Variants in PPFIA2 observed in about 807,000 individuals in gnomAD.
PPFIA2 encodes PPFI scaffold protein A2.
A neutral mutation model predicts 175.5 loss-of-function variants in PPFIA2; 46 were observed. That is an observed-to-expected ratio of 0.26 (90% confidence interval 0.21 to 0.34). PPFIA2 has a LOEUF of 0.34. PPFIA2 is among the 10% of genes least tolerant of loss of function. The probability of loss-of-function intolerance (pLI) is 1.00; values close to 1 mark genes in which losing one functional copy is unlikely to be tolerated. For missense variants in PPFIA2, 1,179 were observed against 1,506.1 expected, an observed-to-expected ratio of 0.78 and a Z score of 3.60; for synonymous variants, 568 against 511.4, an observed-to-expected ratio of 1.11 and a Z score of -1.49.
At chr12:81,260,775 T>C (rs1464114477) in intron 32 of PPFIA2, 2 of 152,222 alleles carry the variant, frequency 1.3e-5, no homozygotes, top group Non-Finnish European at 2.9e-5. Context: ...CCTCTGTCTA[T>C]AACTGTTTTC....
At chr12:81,331,436 C>T (rs528485644) in intron 21 of PPFIA2, among the ~76,000 whole-genome samples, 22 of 152,222 alleles carry the variant, frequency 1.4e-4, no homozygotes, top group South Asian at 6.2e-4. Flanking sequence ...AAACAATGCA[C>T]GACTGTACTT....
In PPFIA2 at chr12:81,642,711, T is replaced by TAATATATACATAC. The variant is rs2065275036; in HGVS notation, c.303+34079_303+34080insGTATGTATATATT. Reference sequence around the variant, plus strand: ...TTATATACATACATGTATATGTATGTATGTATTATATACATACATGTATAT... The same window carrying TAATATATACATAC: ...TTATATACATACATGTATATGTATGTAATATATACATACATGTATTATATACATACATGTATAT... On this transcript the variant is annotated intron_variant, in intron 4 of 32. Transcript: ENST00000549396. Among the ~76,000 whole-genome samples, 2 of 108,274 alleles carry TAATATATACATAC rather than the reference T, an allele frequency of 1.8e-5. 1 individual carries two copies. The highest frequency in any genetic ancestry group is 6.3e-4 in the East Asian group (2 of 3,190). 71.0% of individuals were successfully genotyped at this position (108,274 alleles called of 152,430 possible).
chr12:81,472,112 G>A (rs2056832903), intron 4 of PPFIA2, among the ~76,000 whole-genome samples: 1 of 152,134 alleles, frequency 6.6e-6, no homozygotes, highest in South Asian at 2.1e-4. Flanking sequence ...GGACCATATT[G>A]TTGTATGATC....
At chr12:81,420,904 T>C (rs766459184) in intron 7 of PPFIA2, among the ~76,000 whole-genome samples, 42 of 148,142 alleles carry the variant, frequency 2.8e-4, no homozygotes, top group Non-Finnish European at 7.5e-5. Context: ...GACAAAGAGA[T>C]TAGAAAGCCA....
At chr12:81,440,975 T>C (rs2050080919) in intron 6 of PPFIA2, among the ~76,000 whole-genome samples, 1 of 151,440 alleles carries the variant, frequency 6.6e-6, no homozygotes, top group Non-Finnish European at 1.5e-5. Context: ...TAAATTAACT[T>C]AGATTTTTCT....
At chr12:81,666,401 C>T (rs1268410690) in intron 4 of PPFIA2, among the ~76,000 whole-genome samples, 5 of 152,104 alleles carry the variant, frequency 3.3e-5, no homozygotes. Context: ...GAAAATGTGG[C>T]ACATATACAC....
chr12:81,566,727 T>C (rs2071405997), intron 4 of PPFIA2, among the ~76,000 whole-genome samples: 1 of 152,138 alleles, frequency 6.6e-6, no homozygotes, highest in Non-Finnish European at 1.5e-5. Context: ...AATGGATTCC[T>C]GTAAGATTTC....
In PPFIA2 at chr12:81,437,420, A is replaced by G. The variant is rs182738932; in HGVS notation, c.645+2552T>C. Among the ~76,000 whole-genome samples, 1,130 of 152,242 alleles carry G rather than the reference A, an allele frequency of 7.4e-3. 10 individuals carry two copies. Among genetic ancestry groups the G allele is most frequent in the African/African-American group, 0.021 (883 of 41,554 alleles). ...AATTTTTTGTATTTTTAATAGAGAC[A>G]GGGTTTCACCGTGTTAGCCAGGATG... On this transcript the variant is annotated intron_variant, in intron 7 of 32. Transcript: ENST00000549396.
chr12:81,384,065 T>C lies in PPFIA2; in HGVS notation c.942A>G (p.Lys314=). Residue 314 remains lysine, a synonymous_variant, in exon 9 of 33, where the codon AAA becomes AAG. Coordinates refer to ENST00000549396, the MANE Select transcript of PPFIA2 (RefSeq NM_003625.5). ...GATACTTGGTGTTCATTTCTTCTGT[T>C]TTAATGAGATCCTTTCTTGCTGTCT... ...EAETARKDLI[K]TEEMNTKYQR... 1.9e-6 allele frequency: 3 copies of C among 1,613,190 alleles called. No individual in the cohort carries two copies. Among genetic ancestry groups the C allele is most frequent in the South Asian group, 2.2e-5 (2 of 91,058 alleles).
At chr12:81,587,972 A>T (rs2075523321) in intron 4 of PPFIA2, among the ~76,000 whole-genome samples, 1 of 152,054 alleles carries the variant, frequency 6.6e-6, no homozygotes. Context: ...TATGACAGGC[A>T]TTATGCTAGG....
At chr12:81,358,437 T>C (rs2061166742) in intron 15 of PPFIA2, among the ~76,000 whole-genome samples, 1 of 152,180 alleles carries the variant, frequency 6.6e-6, no homozygotes, top group Admixed American at 6.6e-5. Flanking sequence ...TGCACTTTCT[T>C]CTTTTAGAAT....
chr12:81,749,423 A>G lies in PPFIA2; in HGVS notation c.249+4550T>C, dbSNP rs531626449. On this transcript the variant is annotated intron_variant, in intron 3 of 32. Coordinates refer to ENST00000549396, the MANE Select transcript of PPFIA2 (RefSeq NM_003625.5). ...ATTTAATAATGCACAGTGGACCCTC[A>G]GTGTATGCTAAAAAAGGTGATGAAA... is the stretch of plus-strand genomic sequence containing the variant. 9.7e-5 allele frequency among the ~76,000 whole-genome samples: 14 copies of G among 143,858 alleles called. 2 individuals are homozygous for G. The highest frequency in any genetic ancestry group is 2.0e-4 in the Non-Finnish European group (13 of 64,232). 94.4% of individuals were successfully genotyped at this position (143,858 alleles called of 152,430 possible).
At chr12:81,304,730 G>A (rs977724712) in intron 22 of PPFIA2, among the ~76,000 whole-genome samples, 3 of 152,026 alleles carry the variant, frequency 2.0e-5, no homozygotes, top group African/African-American at 4.8e-5. Flanking sequence ...TGAAGGACAC[G>A]GGAGTTGGTG....
At chr12:81,291,760 T>A (rs763350247) in intron 24 of PPFIA2, among the ~76,000 whole-genome samples, 2 of 151,946 alleles carry the variant, frequency 1.3e-5, no homozygotes, top group Non-Finnish European at 2.9e-5. Context: ...AGAGGAAATA[T>A]GTAAAGGAAT....
chr12:81,567,257 G>C (rs1242726580), intron 4 of PPFIA2, among the ~76,000 whole-genome samples: 1 of 152,120 alleles, frequency 6.6e-6, no homozygotes, highest in Non-Finnish European at 1.5e-5. Context: ...CACCGTGTTA[G>C]CCAGGATGGT....
chr12:81,601,519 A>G (rs1394928979), intron 4 of PPFIA2, among the ~76,000 whole-genome samples: 1 of 151,958 alleles, frequency 6.6e-6, no homozygotes, highest in Non-Finnish European at 1.5e-5. Context: ...CTGTCTCACT[A>G]AAAAACACAT....
intron 3 of PPFIA2, among the ~76,000 whole-genome samples, chr12:81,751,654 T>G (rs2083821061): frequency 6.6e-6 from 1 of 151,598 alleles, no homozygotes; most frequent in African/African-American, 2.4e-5. Context: ...CTCCAAAACA[T>G]AACTGGTCCC....
intron 4 of PPFIA2, among the ~76,000 whole-genome samples, chr12:81,487,747 C>G (rs2058986988): frequency 6.6e-6 from 1 of 151,730 alleles, no homozygotes; most frequent in Admixed American, 6.6e-5. Flanking sequence ...AAGAAACAAA[C>G]AGTGTAGGCA....
At chr12:81,589,665 A>T (rs2153440698) in intron 4 of PPFIA2, among the ~76,000 whole-genome samples, 1 of 152,246 alleles carries the variant, frequency 6.6e-6, no homozygotes, top group South Asian at 2.1e-4. Context: ...ATATAATGGA[A>T]AGAGCATGGA....
Sources: allele counts gnomAD v4.1 joint callset (sites outside exome capture counted in the v4.1 genomes callset), GRCh38; gene constraint gnomAD v4.1.1; transcripts MANE v1.5; gene names NCBI Gene and HGNC (gene_info 2026-07-23, HGNC 2026-07-21).